The following PAFAH1B1 variants were observed in gnomAD, a reference collection of about 807,000 sequenced individuals.
PAFAH1B1 encodes platelet activating factor acetylhydrolase 1b regulatory subunit 1, also known as platelet-activating factor acetylhydrolase IB subunit beta.
Under a neutral mutation model 57.5 loss-of-function variants are expected in PAFAH1B1, and 2 were observed. The ratio of observed to expected loss-of-function variants is 0.03; its 90% confidence interval spans 0.01 to 0.11. The LOEUF (loss-of-function observed/expected upper bound fraction) is 0.11, where lower values mean the gene tolerates loss of function less well. Among genes scored for constraint, PAFAH1B1 ranks in the 10% least tolerant of loss-of-function variants. The pLI, the probability that PAFAH1B1 is intolerant of heterozygous loss-of-function variation, is 1.00. For synonymous variants in PAFAH1B1, 152 were observed against 169.6 expected (o/e 0.90, Z 0.81); for missense variants, 257 against 512.0 (o/e 0.50, Z 4.81).
At chr17:2,618,652 TTTTA>T (rs1678400654) in intron 1 of PAFAH1B1, among the ~76,000 whole-genome samples, 1 of 151,734 alleles carries the variant, frequency 6.6e-6, no homozygotes, top group Non-Finnish European at 1.5e-5. Flanking sequence ...TATGTTATTT[TTTTA>T]TTTATTTTGA....
chr17:2,672,117 T>C (rs1263110390), intron 6 of PAFAH1B1, among the ~76,000 whole-genome samples: 2 of 151,564 alleles, frequency 1.3e-5, no homozygotes, highest in Non-Finnish European at 2.9e-5. Flanking sequence ...AAAAATAAAA[T>C]AGTTGTGGGT....
At chr17:2,671,617 T>C (rs1006233317) in intron 6 of PAFAH1B1, among the ~76,000 whole-genome samples, 15 of 143,278 alleles carry the variant, frequency 1.0e-4, no homozygotes, top group African/African-American at 2.5e-4. Context: ...TTTTTTTTTT[T>C]CTGGAGATGG....
chr17:2,605,834 C>T (rs569776421), intron 1 of PAFAH1B1, among the ~76,000 whole-genome samples: 1 of 152,230 alleles, frequency 6.6e-6, no homozygotes, highest in South Asian at 2.1e-4. Flanking sequence ...GTACCTAGAA[C>T]ATAGTAAGTA....
intron 2 of PAFAH1B1, among the ~76,000 whole-genome samples, chr17:2,657,251 T>C (rs151272557): frequency 6.6e-6 from 1 of 152,264 alleles, no homozygotes; most frequent in East Asian, 1.9e-4. Context: ...TGAATTTGTT[T>C]CTGTTTTTTG....
intron 1 of PAFAH1B1, among the ~76,000 whole-genome samples, chr17:2,622,396 C>T (rs1328637631): frequency 2.0e-5 from 3 of 152,162 alleles, no homozygotes; most frequent in African/African-American, 7.2e-5. Context: ...TGGGTAAATG[C>T]AGCCATTCCA....
At chr17:2,633,389 A>C (rs1023042084) in intron 1 of PAFAH1B1, among the ~76,000 whole-genome samples, 1 of 151,760 alleles carries the variant, frequency 6.6e-6, no homozygotes, top group Non-Finnish European at 1.5e-5. Context: ...GCTGGACTCA[A>C]ACTCCTGACC....
chr17:2,646,229 G>T lies in PAFAH1B1; in HGVS notation c.32+7909G>T, dbSNP rs571353446. On this transcript the variant is annotated intron_variant, in intron 2 of 10. Transcript: ENST00000397195. ...AAACCAAAAACTAGCTTTTTAAAAA[G>T]ACCAGTAAAATAGACAGTTTTTTAA... is the stretch of plus-strand genomic sequence containing the variant. Among the ~76,000 whole-genome samples the T allele has an allele frequency of 1.3e-3, 198 of 152,032 alleles. 1 individual carries two copies. The highest frequency in any genetic ancestry group is 2.0e-3 in the Non-Finnish European group (134 of 67,956).
chr17:2,673,809 C>T, intron 7 of PAFAH1B1: 2 of 459,910 alleles, frequency 4.3e-6, no homozygotes, highest in South Asian at 2.5e-5. Flanking sequence ...TTTAAGTGTG[C>T]ATTTAGTTTT....
chr17:2,631,024 T>G (rs1167065595), intron 1 of PAFAH1B1, among the ~76,000 whole-genome samples: 1 of 152,184 alleles, frequency 6.6e-6, no homozygotes, highest in Non-Finnish European at 1.5e-5. Flanking sequence ...GTGGATCACC[T>G]GAGGTCATGA....
intron 2 of PAFAH1B1, among the ~76,000 whole-genome samples, chr17:2,657,137 A>T (rs79812909): frequency 0.071 from 10,739 of 152,184 alleles, 406 homozygotes; most frequent in African/African-American, 0.1. Flanking sequence ...TAACTATTAG[A>T]TTTATTGGTT....
At chr17:2,600,815 C>T (rs1288769545) in intron 1 of PAFAH1B1, among the ~76,000 whole-genome samples, 1 of 151,924 alleles carries the variant, frequency 6.6e-6, no homozygotes, top group Non-Finnish European at 1.5e-5. Context: ...CTGCAACCTC[C>T]GCCTCCTGGG....
chr17:2,652,186 A>G (rs908498194), intron 2 of PAFAH1B1, among the ~76,000 whole-genome samples: 64 of 148,174 alleles, frequency 4.3e-4, no homozygotes, highest in African/African-American at 1.1e-3. Context: ...CAAGGCGGGC[A>G]AATCACGAGG....
intron 1 of PAFAH1B1, among the ~76,000 whole-genome samples, chr17:2,604,682 A>G (rs2068186125): frequency 1.3e-5 from 2 of 152,202 alleles, no homozygotes; most frequent in East Asian, 1.9e-4. Flanking sequence ...CTGGTGGTGC[A>G]TGCCTGTAAT....
intron 2 of PAFAH1B1, among the ~76,000 whole-genome samples, chr17:2,653,459 G>A (rs2068894624): frequency 6.6e-6 from 1 of 151,464 alleles, no homozygotes; most frequent in African/African-American, 2.4e-5. Context: ...CTGACTTTGT[G>A]ATCTATAATA....
intron 1 of PAFAH1B1, among the ~76,000 whole-genome samples, chr17:2,603,470 A>G (rs1406277411): frequency 6.6e-6 from 1 of 152,072 alleles, no homozygotes. Flanking sequence ...AAAATAAAAA[A>G]ATTAGCTGAG....
At chr17:2,681,661 G>T (rs2069386564) in intron 10 of PAFAH1B1, 68 bp from the exon 11 acceptor site, 5 of 1,178,652 alleles carry the variant, frequency 4.2e-6, no homozygotes, top group Admixed American at 1.8e-5. Context: ...TGTAGAGAGG[G>T]GGTCTCACTA....
intron 2 of PAFAH1B1, among the ~76,000 whole-genome samples, chr17:2,660,620 A>G (rs535140255): frequency 1.9e-4 from 29 of 152,302 alleles, no homozygotes; most frequent in Admixed American, 1.3e-3. Context: ...TCCATGGTGT[A>G]TGTGTACCAC....
chr17:2,595,120 C>T (rs1036608107), intron 1 of PAFAH1B1, among the ~76,000 whole-genome samples: 2 of 152,118 alleles, frequency 1.3e-5, no homozygotes, highest in African/African-American at 2.4e-5. Flanking sequence ...GATTTGTGGT[C>T]TCGTTCTCAA....
At chr17:2,628,818 G>A (rs192115943) in intron 1 of PAFAH1B1, among the ~76,000 whole-genome samples, 50 of 152,194 alleles carry the variant, frequency 3.3e-4, no homozygotes, top group African/African-American at 1.1e-3. Flanking sequence ...TATGTGAGGA[G>A]GGTTGTGTTT....
Sources: gnomAD v4.1 joint callset for allele counts (sites outside exome capture counted in the v4.1 genomes callset) on GRCh38, gnomAD v4.1.1 for gene constraint, MANE v1.5 for transcripts, NCBI Gene and HGNC (gene_info 2026-07-23, HGNC 2026-07-21) for gene names.